Variants in RPH3A observed in about 807,000 individuals in gnomAD.
RPH3A encodes rabphilin 3A.
In RPH3A, 48 loss-of-function variants were observed where a neutral mutation model predicts 102.2. That is an observed-to-expected ratio of 0.47 (90% CI 0.37 to 0.60). The LOEUF (loss-of-function observed/expected upper bound fraction) is 0.60. Ranked by LOEUF, RPH3A falls within the 20% of genes least tolerant of loss-of-function variation. RPH3A has a pLI of 0.00. For synonymous variants in RPH3A, 310 were observed against 324.3 expected, an observed-to-expected ratio of 0.96 and a Z score of 0.47; for missense variants, 781 against 910.1, an observed-to-expected ratio of 0.86 and a Z score of 1.83.
intron 1 of RPH3A, among the ~76,000 whole-genome samples, chr12:112,707,562 T>A (rs757867346): frequency 6.6e-6 from 1 of 152,220 alleles, no homozygotes; most frequent in Non-Finnish European, 1.5e-5. Context: ...ATTGTCAGGA[T>A]AAATGAGAAT....
chr12:112,660,586 G>A (rs1171278683), intron 1 of RPH3A, among the ~76,000 whole-genome samples: 2 of 152,190 alleles, frequency 1.3e-5, no homozygotes, highest in Non-Finnish European at 2.9e-5. Flanking sequence ...TTGGGAGGCT[G>A]AGGCAGGAGT....
chr12:112,715,517 C>T (rs2040507598), intron 1 of RPH3A, among the ~76,000 whole-genome samples: 1 of 152,164 alleles, frequency 6.6e-6, no homozygotes, highest in South Asian at 2.1e-4. Context: ...TGGTGCCTAG[C>T]ATTAGAAGGT....
intron 1 of RPH3A, among the ~76,000 whole-genome samples, chr12:112,779,808 C>G (rs1364838771): frequency 6.6e-6 from 1 of 152,084 alleles, no homozygotes; most frequent in Non-Finnish European, 1.5e-5. Context: ...TATAAACACT[C>G]AGGTTAAGGT....
At chr12:112,867,667 G>A (rs912633935) in intron 7 of RPH3A, among the ~76,000 whole-genome samples, 13 of 152,210 alleles carry the variant, frequency 8.5e-5, no homozygotes, top group African/African-American at 1.2e-4. Flanking sequence ...GAAGATAGGT[G>A]TAGCCTAACA....
intron 1 of RPH3A, among the ~76,000 whole-genome samples, chr12:112,651,507 A>G (rs1034457436): frequency 1.3e-5 from 2 of 152,232 alleles, no homozygotes; most frequent in African/African-American, 4.8e-5. Flanking sequence ...TGTGAGTTCT[A>G]TAGATCTGTC....
intron 1 of RPH3A, among the ~76,000 whole-genome samples, chr12:112,786,403 G>T (rs1027027472): frequency 6.6e-6 from 1 of 152,064 alleles, no homozygotes; most frequent in South Asian, 2.1e-4. Flanking sequence ...TCTCTTGCAC[G>T]CCAATCTCTC....
intron 1 of RPH3A, among the ~76,000 whole-genome samples, chr12:112,749,659 T>G (rs1425819172): frequency 6.6e-6 from 1 of 152,190 alleles, no homozygotes; most frequent in Non-Finnish European, 1.5e-5. Context: ...GGCAATTAAT[T>G]AAATCAGTAA....
intron 1 of RPH3A, among the ~76,000 whole-genome samples, chr12:112,676,208 AG>A (rs1167812675): frequency 6.6e-6 from 1 of 151,824 alleles, no homozygotes; most frequent in East Asian, 1.9e-4. Flanking sequence ...CAACACCGAG[AG>A]GAGGGAGGCA....
At chr12:112,719,927 T>C (rs1404390346) in intron 1 of RPH3A, among the ~76,000 whole-genome samples, 1 of 152,268 alleles carries the variant, frequency 6.6e-6, no homozygotes, top group Non-Finnish European at 1.5e-5. Context: ...ACATATCACT[T>C]GCTTTCTTTT....
At chr12:112,696,098 A>T (rs192222885) in intron 1 of RPH3A, among the ~76,000 whole-genome samples, 25 of 152,172 alleles carry the variant, frequency 1.6e-4, no homozygotes, top group Non-Finnish European at 3.2e-4. Context: ...TTGGTTTTCC[A>T]TTCCTGAGTT....
chr12:112,723,964 T>C (rs11066388), intron 1 of RPH3A, among the ~76,000 whole-genome samples: 3,443 of 152,292 alleles, frequency 0.023, 133 homozygotes, highest in African/African-American at 0.078. Flanking sequence ...TTTGTGTATA[T>C]TTTATGGTAA....
chr12:112,701,033 C>A (rs1303292465), intron 1 of RPH3A, among the ~76,000 whole-genome samples: 1 of 152,194 alleles, frequency 6.6e-6, no homozygotes, highest in Non-Finnish European at 1.5e-5. Context: ...GAACTCATGA[C>A]CTTCCTCCCA....
intron 1 of RPH3A, among the ~76,000 whole-genome samples, chr12:112,607,472 A>G (rs964212057): frequency 7.2e-5 from 11 of 152,212 alleles, no homozygotes; most frequent in Admixed American, 7.2e-4. Flanking sequence ...CATATTAAAA[A>G]TTGAGCAATG....
At chr12:112,701,436 C>T (rs902208945) in intron 1 of RPH3A, among the ~76,000 whole-genome samples, 1 of 152,124 alleles carries the variant, frequency 6.6e-6, no homozygotes, top group Admixed American at 6.5e-5. Flanking sequence ...TTTCTGGGGC[C>T]TCAGTGAGCA....
intron 1 of RPH3A, among the ~76,000 whole-genome samples, chr12:112,615,835 T>C (rs1468213535): frequency 2.0e-5 from 3 of 152,148 alleles, no homozygotes; most frequent in African/African-American, 7.2e-5. Flanking sequence ...AGTTTTATCA[T>C]CTATAAAATG....
chr12:112,801,504 A>G (rs530126742), intron 2 of RPH3A, among the ~76,000 whole-genome samples: 2 of 152,188 alleles, frequency 1.3e-5, no homozygotes, highest in African/African-American at 4.8e-5. Context: ...TGAACGATGG[A>G]TAAGTGCTTC....
chr12:112,775,322 T>C (rs766642734), intron 1 of RPH3A, among the ~76,000 whole-genome samples: 1 of 152,164 alleles, frequency 6.6e-6, no homozygotes, highest in Non-Finnish European at 1.5e-5. Flanking sequence ...AGTGTAATAA[T>C]AAGCAAATGC....
At chr12:112,639,885 G>T (rs1284172894) in intron 1 of RPH3A, among the ~76,000 whole-genome samples, 3 of 152,122 alleles carry the variant, frequency 2.0e-5, no homozygotes, top group African/African-American at 7.2e-5. Context: ...CATGTGCCAG[G>T]CACACAGTTG....
rs1565857557 is a variant in RPH3A, at chr12:112,713,067, C to CTTCTTCTTG, written c.-139-79068_-139-79067insGTTCTTCTT. On this transcript the variant is annotated intron_variant, in intron 1 of 21. Coordinates refer to the RPH3A transcript ENST00000543106. ...TCTTCTTCTCCTTCTTCTTCTTCTT[C>CTTCTTCTTG]TTCTTCTTCTTCTTCTTCTTCTTCT... Among the ~76,000 whole-genome samples the CTTCTTCTTG allele has an allele frequency of 1.7e-5, 2 of 119,612 alleles. 1 individual carries two copies. Among genetic ancestry groups the CTTCTTCTTG allele is most frequent in the Non-Finnish European group, 3.5e-5 (2 of 56,862 alleles). The allele number at this position is 119,612 out of a possible 152,430, so 78.5% of individuals were successfully genotyped here. A position where few individuals can be genotyped will look rare whatever the true frequency, so the allele number is the denominator to read the frequency against.
Sources: gnomAD v4.1 joint callset for allele counts (sites outside exome capture counted in the v4.1 genomes callset) on GRCh38, gnomAD v4.1.1 for gene constraint, MANE v1.5 for transcripts, NCBI Gene and HGNC (gene_info 2026-07-23, HGNC 2026-07-21) for gene names.